Variants in PRDM1 observed in about 807,000 individuals in gnomAD.
The protein encoded by PRDM1 is PR domain zinc finger protein 1.
PRDM1 carries 13 observed loss-of-function variants against 62.8 expected under a neutral mutation model. The ratio of observed to expected loss-of-function variants is 0.21; its 90% CI spans 0.13 to 0.33. The LOEUF (loss-of-function observed/expected upper bound fraction) is 0.33, where lower values mean the gene tolerates loss of function less well. PRDM1 is among the 10% of genes least tolerant of loss of function. The probability of loss-of-function intolerance (pLI) is 1.00; values close to 1 mark genes in which losing one functional copy is unlikely to be tolerated. For missense variants in PRDM1, 895 were observed against 1,058.8 expected (o/e 0.85, Z 2.15); for synonymous variants, 396 against 417.6 (o/e 0.95, Z 0.63).
intron 1 of PRDM1, among the ~76,000 whole-genome samples, chr6:106,030,173 TTTTG>T (rs1772822986): frequency 6.6e-6 from 1 of 152,148 alleles, no homozygotes; most frequent in African/African-American, 2.4e-5. Context: ...TTTTGTTTTG[TTTTG>T]TTTGTTTTTG....
upstream of PRDM1, among the ~76,000 whole-genome samples, chr6:106,044,210 T>C (rs1389520110): frequency 5.3e-5 from 8 of 150,776 alleles, no homozygotes; most frequent in Non-Finnish European, 1.0e-4. Flanking sequence ...TTTTTTTTTT[T>C]CTGTTCCTGC....
At chr6:106,016,650 T>TC (rs1452602530) in intron 1 of PRDM1, among the ~76,000 whole-genome samples, 47 of 2,154 alleles carry the variant, frequency 0.022, no homozygotes, top group Non-Finnish European at 0.014. Context: ...CTTTTCTCTC[T>TC]TTTTTTTTTT....
chr6:106,073,456 A>T (rs1228286024), intron 1 of PRDM1, among the ~76,000 whole-genome samples: 1 of 152,206 alleles, frequency 6.6e-6, no homozygotes, highest in East Asian at 1.9e-4. Context: ...ATACTGTATC[A>T]TCATATATCA....
chr6:106,062,250 A>G (rs142173816), intron 1 of PRDM1, among the ~76,000 whole-genome samples: 1 of 152,316 alleles, frequency 6.6e-6, no homozygotes, highest in East Asian at 1.9e-4. Flanking sequence ...GATCTTTGTC[A>G]TGTGCAGTAT....
chr6:106,032,407 C>T (rs972648032), intron 1 of PRDM1, among the ~76,000 whole-genome samples: 1 of 151,486 alleles, frequency 6.6e-6, no homozygotes, highest in Non-Finnish European at 1.5e-5. Flanking sequence ...TCAAGTGATC[C>T]ACCCTTCTCA....
At chr6:106,037,874 A>C (rs908719465) in intron 1 of PRDM1, among the ~76,000 whole-genome samples, 3 of 150,636 alleles carry the variant, frequency 2.0e-5, no homozygotes, top group African/African-American at 4.9e-5. Context: ...TTGTTGGTTT[A>C]TTTCTTTCTT....
intron 1 of PRDM1, among the ~76,000 whole-genome samples, chr6:106,042,237 G>A (rs1393689851): frequency 6.6e-6 from 1 of 151,672 alleles, no homozygotes; most frequent in Non-Finnish European, 1.5e-5. Flanking sequence ...AACTAAGTGT[G>A]GGGCCGGGCA....
At chr6:105,998,933 A>ATATAT (rs1290453454) in intron 1 of PRDM1, among the ~76,000 whole-genome samples, 6 of 6,398 alleles carry the variant, frequency 9.4e-4, no homozygotes, top group Non-Finnish European at 1.3e-3. Flanking sequence ...ATATATATAT[A>ATATAT]TTTTTTTTTT....
chr6:106,010,619 G>A (rs779612296), intron 1 of PRDM1, among the ~76,000 whole-genome samples: 1 of 152,110 alleles, frequency 6.6e-6, no homozygotes, highest in Non-Finnish European at 1.5e-5. Context: ...ACCTCTATCA[G>A]CAAGTTTTCT....
chr6:106,095,965 T>C, intron 3 of PRDM1: 1 of 447,874 alleles, frequency 2.2e-6, no homozygotes, highest in South Asian at 3.5e-5. Context: ...AATCTTGATT[T>C]TTGCAATTCA....
chr6:106,073,265 C>G (rs1773550875), intron 1 of PRDM1, among the ~76,000 whole-genome samples: 1 of 152,064 alleles, frequency 6.6e-6, no homozygotes, highest in Non-Finnish European at 1.5e-5. Flanking sequence ...CAGGCGCCCA[C>G]TCTCATGCCC....
At position 106,107,480 on chromosome 6, in the gene PRDM1, T is replaced by G; in HGVS notation, c.2472T>G (p.Asp824Glu). Residue 824 changes from aspartate to glutamate, a missense_variant, in exon 7 of 7, where the codon GAT becomes GAG. Asp to Glu is a conservative substitution (Grantham distance 45). Around this residue, in one of 4 missense-constraint regions of PRDM1, gnomAD observed 164 missense variants for 179.9 expected, o/e 0.91. Transcript: ENST00000369096. ...AACAAGAAACAGTTGAACCAATGGA[T>G]CCTTAAGATTTTCAGAAAACACTTA... The part of the protein sequence containing the change: ...KVKQETVEPM[D>E]P The G allele has an allele frequency of 2.5e-6, 4 of 1,587,930 alleles. No homozygotes were observed. Among genetic ancestry groups the G allele is most frequent in the Non-Finnish European group, 3.4e-6 (4 of 1,168,520 alleles).
At position 106,106,079 on chromosome 6, in the gene PRDM1, GC is replaced by G; in HGVS notation, c.1773+148del. On this transcript the variant is annotated intron_variant, in intron 5 of 6. Transcript: ENST00000369096. The surrounding 1 kb of genome is among the most constrained non-coding windows in gnomAD (Gnocchi z 4.4). ...TGGGTATGGATTCCGCCTGGCTTTT[GC>G]CACTTCTAGCTCTTTGACTTTGGAC... 7.8e-7 allele frequency: 1 copy of G among 1,276,330 alleles called. No individual in the cohort carries two copies. Among genetic ancestry groups the G allele is most frequent in the Non-Finnish European group, 1.1e-6 (1 of 946,642 alleles). The allele number at this position is 1,276,330 out of a possible 1,614,324, so 79.1% of individuals were successfully genotyped here.
intron 1 of PRDM1, among the ~76,000 whole-genome samples, chr6:106,072,725 C>T (rs1773538516): frequency 6.6e-6 from 1 of 152,224 alleles, no homozygotes; most frequent in Non-Finnish European, 1.5e-5. Flanking sequence ...CCATCTACAT[C>T]ATGAGCCCCG....
chr6:106,088,755 C>A (rs1773883649), intron 2 of PRDM1, among the ~76,000 whole-genome samples: 1 of 152,194 alleles, frequency 6.6e-6, no homozygotes, highest in African/African-American at 2.4e-5. Context: ...CAAGAAAGCT[C>A]TGGGCCCACT....
intron 1 of PRDM1, among the ~76,000 whole-genome samples, chr6:106,064,647 G>A (rs1240103857): frequency 6.6e-6 from 1 of 152,184 alleles, no homozygotes; most frequent in African/African-American, 2.4e-5. Flanking sequence ...ATAGGCATAA[G>A]TTGGGTCCTT....
At chr6:106,046,788 A>T (rs1196597858), upstream of PRDM1, 3 of 152,348 alleles carry the variant, frequency 2.0e-5, no homozygotes, top group Admixed American at 6.5e-5. Flanking sequence ...GCTTGAGTGG[A>T]AAAGTGAGTA....
chr6:105,993,198 A>G (rs1160729661), upstream of PRDM1, among the ~76,000 whole-genome samples: 1 of 152,192 alleles, frequency 6.6e-6, no homozygotes, highest in Non-Finnish European at 1.5e-5. Context: ...ATAACTCAGT[A>G]TCTTAATTTA....
intron 1 of PRDM1, among the ~76,000 whole-genome samples, chr6:106,000,060 A>AGGAT (rs1301947784): frequency 7.2e-5 from 11 of 152,150 alleles, no homozygotes; most frequent in Admixed American, 1.3e-4. Flanking sequence ...CGTGTTAGCC[A>AGGAT]GGATGGTCTC....
Sources: gnomAD v4.1 joint callset for allele counts (sites outside exome capture counted in the v4.1 genomes callset) on GRCh38, gnomAD v4.1.1 for gene constraint, gnomAD v4.1.1 regional missense constraint, Gnocchi (gnomAD v3.1) non-coding constraint, MANE v1.5 for transcripts, NCBI Gene and HGNC (gene_info 2026-07-23, HGNC 2026-07-21) for gene names.